The following CCNY variants were observed in gnomAD, a reference collection of about 807,000 sequenced individuals.
The protein encoded by CCNY is cyclin-Y.
Under a neutral mutation model 42.8 loss-of-function variants are expected in CCNY, and 19 were observed. The ratio of observed to expected loss-of-function variants is 0.44; its 90% CI spans 0.31 to 0.65. CCNY has a LOEUF of 0.65. Ranked by LOEUF, CCNY falls within the 30% of genes least tolerant of loss-of-function variation. The pLI is 0.07. For synonymous variants in CCNY, 165 were observed against 162.7 expected (o/e 1.01, Z -0.11); for missense variants, 370 against 437.3 (o/e 0.85, Z 1.37).
chr10:35,479,534 C>T (rs1839610458), intron 1 of CCNY, among the ~76,000 whole-genome samples: 2 of 136,000 alleles, frequency 1.5e-5, no homozygotes. Flanking sequence ...CATATTCTCA[C>T]TCATAGGTGG....
chr10:35,312,671 A>G (rs1299439564), intron 3 of CCNY, among the ~76,000 whole-genome samples: 1 of 151,346 alleles, frequency 6.6e-6, no homozygotes, highest in African/African-American at 2.4e-5. Context: ...CTTGTAGAAC[A>G]CATCTTCAGA....
At chr10:35,328,164 C>T (rs1307130175) in intron 3 of CCNY, among the ~76,000 whole-genome samples, 3 of 152,170 alleles carry the variant, frequency 2.0e-5, no homozygotes, top group Non-Finnish European at 4.4e-5. Flanking sequence ...CCCTAACGGG[C>T]ATTGAAGGTG....
intron 1 of CCNY, among the ~76,000 whole-genome samples, chr10:35,369,498 A>G (rs1447681124): frequency 2.0e-5 from 3 of 152,188 alleles, no homozygotes; most frequent in African/African-American, 7.2e-5. Flanking sequence ...ATTCCAGTCA[A>G]CTTTTTATGG....
chr10:35,272,119 T>C (rs1835177872), intron 3 of CCNY, among the ~76,000 whole-genome samples: 1 of 152,112 alleles, frequency 6.6e-6, no homozygotes, highest in South Asian at 2.1e-4. Flanking sequence ...CCTGAGTAGC[T>C]GGGATTACAG....
intron 1 of CCNY, among the ~76,000 whole-genome samples, chr10:35,348,993 C>T (rs554106603): frequency 1.1e-4 from 16 of 151,908 alleles, no homozygotes; most frequent in Middle Eastern, 6.8e-3. Flanking sequence ...TTGAACTGTG[C>T]GGGTACACTT....
intron 8 of CCNY, among the ~76,000 whole-genome samples, chr10:35,564,124 C>T (rs1346691517): frequency 1.3e-5 from 2 of 152,138 alleles, no homozygotes; most frequent in Admixed American, 1.3e-4. Flanking sequence ...AGGTGATCCA[C>T]CCGCCTCAGC....
intron 1 of CCNY, among the ~76,000 whole-genome samples, chr10:35,414,360 T>TTGCTGGC (rs1837979130): frequency 6.6e-6 from 1 of 152,238 alleles, no homozygotes; most frequent in Non-Finnish European, 1.5e-5. Context: ...CCACAGTTCC[T>TTGCTGGC]TGCTGGCTGC....
intron 1 of CCNY, among the ~76,000 whole-genome samples, chr10:35,465,347 G>A (rs139953173): frequency 9.9e-5 from 15 of 152,162 alleles, no homozygotes; most frequent in African/African-American, 3.6e-4. Context: ...TGCTCTGATC[G>A]TCCTAGGACC....
chr10:35,451,992 A>G (rs1445997528), intron 1 of CCNY, among the ~76,000 whole-genome samples: 5 of 151,956 alleles, frequency 3.3e-5, no homozygotes, highest in Non-Finnish European at 7.4e-5. Context: ...ATTTAATATG[A>G]CACTTTTTTT....
intron 1 of CCNY, among the ~76,000 whole-genome samples, chr10:35,420,759 C>T (rs966374319): frequency 6.6e-6 from 1 of 152,160 alleles, no homozygotes; most frequent in Non-Finnish European, 1.5e-5. Context: ...CAGATGCTTT[C>T]TTTTGGCAGT....
chr10:35,497,118 T>A (rs901974440), intron 2 of CCNY, among the ~76,000 whole-genome samples: 1 of 152,162 alleles, frequency 6.6e-6, no homozygotes, highest in Admixed American at 6.5e-5. Context: ...AAGAAAAAAT[T>A]TATGATCCAT....
chr10:35,351,787 A>AT (rs1312805266), intron 1 of CCNY, among the ~76,000 whole-genome samples: 2 of 152,214 alleles, frequency 1.3e-5, no homozygotes, highest in Non-Finnish European at 2.9e-5. Flanking sequence ...CTAGCTAATT[A>AT]TTAGGGTAGT....
At chr10:35,319,111 C>T (rs77061590) in intron 3 of CCNY, among the ~76,000 whole-genome samples, 156 of 152,126 alleles carry the variant, frequency 1.0e-3, no homozygotes, top group Non-Finnish European at 1.2e-3. Flanking sequence ...CAGAGGTGTG[C>T]GCCACCATGC....
chr10:35,422,170 A>C (rs929344902), intron 1 of CCNY, among the ~76,000 whole-genome samples: 3 of 152,054 alleles, frequency 2.0e-5, no homozygotes, highest in African/African-American at 7.2e-5. Context: ...TTCTTTTAAA[A>C]TTTTTTTAAA....
intron 2 of CCNY, among the ~76,000 whole-genome samples, chr10:35,493,290 ATAAT>A (rs777464110): frequency 5.9e-5 from 9 of 152,192 alleles, no homozygotes; most frequent in Non-Finnish European, 1.3e-4. Flanking sequence ...GTTAGCAGGG[ATAAT>A]TCCCCCAGGC....
At chr10:35,386,836 CCTG>C (rs1360970955) in intron 1 of CCNY, among the ~76,000 whole-genome samples, 1 of 151,536 alleles carries the variant, frequency 6.6e-6, no homozygotes, top group Non-Finnish European at 1.5e-5. Flanking sequence ...TTTAGTAAAA[CCTG>C]TTTTTTTGTT....
chr10:35,357,451 T>G (rs1206422906), intron 1 of CCNY, among the ~76,000 whole-genome samples: 1 of 152,222 alleles, frequency 6.6e-6, no homozygotes, highest in Non-Finnish European at 1.5e-5. Flanking sequence ...TAGCAAACAT[T>G]TTTTTGTATG....
intron 3 of CCNY, among the ~76,000 whole-genome samples, chr10:35,257,473 A>C (rs1157777107): frequency 6.6e-6 from 1 of 151,202 alleles, no homozygotes; most frequent in African/African-American, 2.4e-5. Flanking sequence ...GAAGGTCTTA[A>C]TTTCTCCCTC....
At chr10:35,531,076 A>G (rs945824042) in intron 7 of CCNY, among the ~76,000 whole-genome samples, 4 of 152,220 alleles carry the variant, frequency 2.6e-5, no homozygotes, top group African/African-American at 7.2e-5. Context: ...CTCAAAAGAA[A>G]AAGTATTCTT....
Sources: allele counts gnomAD v4.1 joint callset (sites outside exome capture counted in the v4.1 genomes callset), GRCh38; gene constraint gnomAD v4.1.1; transcripts MANE v1.5; gene names NCBI Gene and HGNC (gene_info 2026-07-23, HGNC 2026-07-21).